SLC25A37: variants seen among roughly 807,000 people sequenced by gnomAD.
SLC25A37 encodes the protein solute carrier family 25 member 37, also known as mitoferrin-1.
A neutral mutation model predicts 31.0 loss-of-function variants in SLC25A37; 17 were observed. The ratio of observed to expected loss-of-function variants is 0.55; its 90% CI spans 0.38 to 0.82. The LOEUF is 0.82. SLC25A37 is among the 40% of genes least tolerant of loss of function. The pLI is 0.00. For missense variants in SLC25A37, 404 were observed against 465.8 expected, an observed-to-expected ratio of 0.87 and a Z score of 1.22; for synonymous variants, 222 against 193.0, an observed-to-expected ratio of 1.15 and a Z score of -1.24.
rs912437324 is a variant in SLC25A37 at position 23,572,419 on chromosome 8, G to T, written c.*564G>T. The T allele has an allele frequency of 3.9e-5, 6 of 152,396 alleles. No homozygotes were observed. The highest frequency in any genetic ancestry group is 3.9e-4 in the Admixed American group (6 of 15,254). The allele number at this position is 152,396 out of a possible 1,614,324, so 9.4% of individuals were successfully genotyped here. A position where few individuals can be genotyped will look rare whatever the true frequency, so the allele number is the denominator to read the frequency against. On this transcript the variant is annotated 3_prime_UTR_variant, in exon 4 of 4. Transcript: ENST00000519973. Reference sequence around the variant, plus strand: ...TTGTTGTTGTTATGTTTTTAAGAGGGTTGAATTCTTCCATCAGGTGAACGA... The same window carrying T: ...TTGTTGTTGTTATGTTTTTAAGAGGTTTGAATTCTTCCATCAGGTGAACGA...
intron 1 of SLC25A37, among the ~76,000 whole-genome samples, chr8:23,545,276 G>A (rs1284462408): frequency 6.6e-6 from 1 of 152,198 alleles, no homozygotes; most frequent in Admixed American, 6.5e-5. Flanking sequence ...TGTCTCTTTT[G>A]AAAGGTAACT....
At chr8:23,534,813 A>C (rs1199820453) in intron 1 of SLC25A37, among the ~76,000 whole-genome samples, 1 of 152,220 alleles carries the variant, frequency 6.6e-6, no homozygotes, top group East Asian at 1.9e-4. Context: ...GTACACGCAC[A>C]GAACAGTTGA....
chr8:23,546,152 T>C (rs1585181631), intron 1 of SLC25A37, among the ~76,000 whole-genome samples: 1 of 132,338 alleles, frequency 7.6e-6, no homozygotes, highest in Non-Finnish European at 1.6e-5. Context: ...AAAAAAAAAA[T>C]TGGTTTTGTG....
chr8:23,546,595 ATAGTGTATGTG>A lies in SLC25A37; in HGVS notation c.210+17385_210+17395del, dbSNP rs1319629818. Among the ~76,000 whole-genome samples the A allele has an allele frequency of 2.6e-3, 161 of 61,424 alleles. 2 individuals are homozygous for A. The highest frequency in any genetic ancestry group is 0.018 in the African/African-American group (152 of 8,278). The allele number at this position is 61,424 out of a possible 152,430, so 40.3% of individuals were successfully genotyped here. A position where few individuals can be genotyped will look rare whatever the true frequency, so the allele number is the denominator to read the frequency against. The stretch of plus-strand genomic sequence containing the variant: ...ATATATATATATAGTGTATATATAT[ATAGTGTATGTG>A]TGTGTGTGTGTGTGTATATATATAT... On this transcript the variant is annotated intron_variant, in intron 1 of 3. Coordinates refer to ENST00000519973, the MANE Select transcript of SLC25A37 (RefSeq NM_016612.4).
chr8:23,544,933 A>T (rs1172370373), intron 1 of SLC25A37, among the ~76,000 whole-genome samples: 2 of 152,190 alleles, frequency 1.3e-5, no homozygotes, highest in Non-Finnish European at 2.9e-5. Flanking sequence ...TCACTGTCGA[A>T]CTAAGGACCC....
chr8:23,537,962 C>A (rs1366537136), intron 1 of SLC25A37, among the ~76,000 whole-genome samples: 1 of 152,068 alleles, frequency 6.6e-6, no homozygotes, highest in Non-Finnish European at 1.5e-5. Flanking sequence ...AAACTCTTTC[C>A]TCCTCCAGCC....
In SLC25A37 at chr8:23,548,444, C is replaced by T. The variant is rs186367710; in HGVS notation, c.211-17664C>T. Among the ~76,000 whole-genome samples the T allele has an allele frequency of 2.5e-3, 374 of 147,836 alleles. 11 individuals are homozygous for T. In the East Asian group the frequency reaches 0.061, roughly 24 times the overall value. On this transcript the variant is annotated intron_variant, in intron 1 of 3. Coordinates refer to ENST00000519973, the MANE Select transcript of SLC25A37 (RefSeq NM_016612.4). ...CCACCCGCCTTGGCCTCCCAAAGTGCTGGGATTACAGGCGTGAGCCACCAC... is the reference window on the plus strand; with the variant it reads ...CCACCCGCCTTGGCCTCCCAAAGTGTTGGGATTACAGGCGTGAGCCACCAC...
intron 1 of SLC25A37, among the ~76,000 whole-genome samples, chr8:23,530,969 G>C (rs1310749561): frequency 2.0e-5 from 3 of 152,216 alleles, no homozygotes; most frequent in Non-Finnish European, 4.4e-5. Context: ...TTTTGGTTCA[G>C]ATGTCACCTG....
At chr8:23,546,393 CATAA>C (rs1802038440) in intron 1 of SLC25A37, among the ~76,000 whole-genome samples, 1 of 151,256 alleles carries the variant, frequency 6.6e-6, no homozygotes, top group African/African-American at 2.4e-5. Context: ...CTCAAGTGTA[CATAA>C]GTAAGACTGG....
At chr8:23,562,753 A>C (rs191796730) in intron 1 of SLC25A37, among the ~76,000 whole-genome samples, 103 of 152,328 alleles carry the variant, frequency 6.8e-4, no homozygotes, top group African/African-American at 2.5e-3. Flanking sequence ...TCAAGTGGGG[A>C]AACTCAAACT....
At position 23,573,771 on chromosome 8, in the gene SLC25A37, G is replaced by A. The variant is rs994054304; in HGVS notation, c.*1916G>A. The A allele has an allele frequency of 4.4e-6, 2 of 455,606 alleles. No individual in the cohort carries two copies. Among genetic ancestry groups the A allele is most frequent in the Non-Finnish European group, 8.8e-6 (2 of 226,206 alleles). The allele number at this position is 455,606 out of a possible 1,614,324, so 28.2% of individuals were successfully genotyped here. A position where few individuals can be genotyped will look rare whatever the true frequency, so the allele number is the denominator to read the frequency against. Reference sequence around the variant, plus strand: ...ACAGCCCTTTGCAGCTGGGCTGTGGGGCTTGGCTGCTGCCCTGTCCCATCT... The same window carrying A: ...ACAGCCCTTTGCAGCTGGGCTGTGGAGCTTGGCTGCTGCCCTGTCCCATCT... On this transcript the variant is annotated 3_prime_UTR_variant, in exon 4 of 4. Transcript: ENST00000519973.
rs769646218 is a variant in SLC25A37, at chr8:23,529,022, G to A, written c.20G>A (p.Ser7Asn). Residue 7 changes from serine (S) to asparagine (N), a missense_variant, in exon 1 of 4, where the codon AGC (serine) becomes AAC (asparagine). Ser to Asn is a conservative substitution (Grantham distance 46). Coordinates refer to ENST00000519973, the MANE Select transcript of SLC25A37 (RefSeq NM_016612.4). The surrounding 1 kb of genome is among the most constrained non-coding windows in gnomAD (Gnocchi z 4.1). MELRSG[S>N]VGSQAVARRM... is the part of the protein sequence containing the mutation. The stretch of plus-strand genomic sequence containing the variant: ...TGGCGGATGGAGCTGCGCAGCGGGA[G>A]CGTGGGCAGCCAGGCGGTGGCGCGG... 1.3e-6 allele frequency: 2 copies of A among 1,538,094 alleles called. No homozygotes were observed. Among genetic ancestry groups the A allele is most frequent in the African/African-American group, 1.4e-5 (1 of 71,584 alleles).
At chr8:23,533,537 C>A (rs948370227) in intron 1 of SLC25A37, among the ~76,000 whole-genome samples, 1 of 152,190 alleles carries the variant, frequency 6.6e-6, no homozygotes, top group African/African-American at 2.4e-5. Flanking sequence ...AGTGACCAGT[C>A]TTGGGGAATC....
At chr8:23,550,791 A>G (rs555618314) in intron 1 of SLC25A37, among the ~76,000 whole-genome samples, 50 of 152,320 alleles carry the variant, frequency 3.3e-4, no homozygotes, top group African/African-American at 1.2e-3. Context: ...TGGTGTAAAT[A>G]TCTGTGCCCT....
chr8:23,563,579 T>TCCCTGGGA (rs915272607), intron 1 of SLC25A37, among the ~76,000 whole-genome samples: 6 of 152,200 alleles, frequency 3.9e-5, no homozygotes, highest in Non-Finnish European at 7.3e-5. Context: ...AGGGCTACCC[T>TCCCTGGGA]CCCTGGGACC....
rs1801603624 is a variant in SLC25A37, at chr8:23,529,037, C to T, written c.35C>T (p.Ala12Val). 4 of 1,553,762 alleles carry T rather than the reference C, an allele frequency of 2.6e-6. No homozygotes were observed. Among genetic ancestry groups the T allele is most frequent in the Non-Finnish European group, 3.5e-6 (4 of 1,151,042 alleles). The change falls in exon 1 of 4, where the codon GCG becomes GTG. Residue 12 changes from alanine to valine, a missense_variant. Physicochemically the swap from Ala to Val is moderately conservative, Grantham distance 64. Transcript: ENST00000519973. The surrounding 1 kb of genome is among the most constrained non-coding windows in gnomAD (Gnocchi z 4.1). ...CGCAGCGGGAGCGTGGGCAGCCAGG[C>T]GGTGGCGCGGAGGATGGATGGGGAC... ...ELRSGSVGSQ[A>V]VARRMDGDSR...
intron 1 of SLC25A37, among the ~76,000 whole-genome samples, chr8:23,563,163 C>G (rs1160234584): frequency 2.0e-5 from 3 of 152,140 alleles, no homozygotes; most frequent in African/African-American, 7.2e-5. Flanking sequence ...CTTGGTCTTT[C>G]TTGCTTATAA....
chr8:23,536,776 G>C (rs778821879), intron 1 of SLC25A37, among the ~76,000 whole-genome samples: 122 of 152,312 alleles, frequency 8.0e-4, no homozygotes, highest in Non-Finnish European at 1.7e-3. Context: ...GGGAAGGCCT[G>C]CCTGTGGCTG....
At chr8:23,544,880 G>T (rs913920426) in intron 1 of SLC25A37, among the ~76,000 whole-genome samples, 2 of 152,134 alleles carry the variant, frequency 1.3e-5, no homozygotes, top group Non-Finnish European at 1.5e-5. Flanking sequence ...TTGACTGCCT[G>T]GTGGCTTTCA....
Sources: gnomAD v4.1 joint callset for allele counts (sites outside exome capture counted in the v4.1 genomes callset) on GRCh38, gnomAD v4.1.1 for gene constraint, Gnocchi (gnomAD v3.1) non-coding constraint, MANE v1.5 for transcripts, NCBI Gene and HGNC (gene_info 2026-07-23, HGNC 2026-07-21) for gene names.